CNIH3: variants seen among roughly 807,000 people sequenced by gnomAD.
The protein encoded by CNIH3 is protein cornichon homolog 3.
Under a neutral mutation model 24.1 loss-of-function variants are expected in CNIH3, and 14 were observed. That is an observed-to-expected ratio of 0.58 (90% CI 0.38 to 0.91). The LOEUF is 0.91. CNIH3 is among the 40% of genes least tolerant of loss of function. CNIH3 has a pLI of 0.00. For missense variants in CNIH3, 178 were observed against 196.8 expected (o/e 0.90, Z 0.57); for synonymous variants, 68 against 73.8 (o/e 0.92, Z 0.40).
chr1:224,567,887 G>T (rs1218853305), intron 4 of CNIH3, among the ~76,000 whole-genome samples: 1 of 152,204 alleles, frequency 6.6e-6, no homozygotes, highest in African/African-American at 2.4e-5. Context: ...AGCCTTGTTA[G>T]TCTTTGACTC....
intron 3 of CNIH3, among the ~76,000 whole-genome samples, chr1:224,711,794 C>CAAAAAAAA (rs11437581): frequency 3.0e-5 from 2 of 65,668 alleles, no homozygotes; most frequent in Non-Finnish European, 2.8e-5. Context: ...GACCCTGTCT[C>CAAAAAAAA]AAAAAAAAAA....
chr1:224,694,303 C>G (rs1687064393), intron 3 of CNIH3, among the ~76,000 whole-genome samples: 1 of 152,206 alleles, frequency 6.6e-6, no homozygotes, highest in Non-Finnish European at 1.5e-5. Flanking sequence ...CCGTCACAAC[C>G]AGTTTCAAAA....
At chr1:224,552,014 C>T (rs377367522) in intron 3 of CNIH3, among the ~76,000 whole-genome samples, 14 of 151,456 alleles carry the variant, frequency 9.2e-5, no homozygotes, top group East Asian at 5.9e-4. Context: ...CCTCTGTGTA[C>T]GCCCCGTGTG....
intron 1 of CNIH3, chr1:224,515,995 T>C (rs987733831): frequency 3.3e-5 from 5 of 152,086 alleles, no homozygotes; most frequent in African/African-American, 9.7e-5. Flanking sequence ...CTGGATTGTG[T>C]TTTATGACCC....
At chr1:224,560,941 A>G (rs576726813) in intron 3 of CNIH3, among the ~76,000 whole-genome samples, 40 of 143,324 alleles carry the variant, frequency 2.8e-4, no homozygotes, top group Non-Finnish European at 4.9e-4. Context: ...TGTCTGTTGA[A>G]TGTATCTCGT....
At chr1:224,539,759 C>T (rs1042571356), downstream of CNIH3, among the ~76,000 whole-genome samples, 1 of 152,150 alleles carries the variant, frequency 6.6e-6, no homozygotes, top group African/African-American at 2.4e-5. Flanking sequence ...TTCCCTGTGC[C>T]ACCTAGTTAG....
intron 2 of CNIH3, chr1:224,521,656 C>T (rs1436372194): frequency 2.6e-5 from 4 of 152,156 alleles, no homozygotes; most frequent in Non-Finnish European, 1.5e-5. Flanking sequence ...GCTATTTTAC[C>T]TGCCTACCTA....
intron 1 of CNIH3, among the ~76,000 whole-genome samples, chr1:224,463,774 T>C (rs1303966231): frequency 9.7e-5 from 1 of 10,258 alleles, no homozygotes; most frequent in Admixed American, 1.8e-3. Context: ...ATTGTCCTCA[T>C]TTTTTTTTTT....
rs190920486 is a variant in CNIH3, at chr1:224,554,458, A to C, written n.450+7519A>C. ...CAGATTCAACCCACTGAGGATTGAA[A>C]AGATTTTTTAAAAAAATGGGTGGTT... On this transcript the variant is annotated intron_variant and non_coding_transcript_variant, in intron 3 of 5. Coordinates refer to the CNIH3 transcript ENST00000471578. Among the ~76,000 whole-genome samples the C allele has an allele frequency of 3.2e-3, 489 of 152,278 alleles. 4 individuals carry two copies. The highest frequency in any genetic ancestry group is 0.011 in the African/African-American group (463 of 41,548).
At chr1:224,502,327 T>G (rs909116180) in intron 1 of CNIH3, among the ~76,000 whole-genome samples, 1 of 152,062 alleles carries the variant, frequency 6.6e-6, no homozygotes, top group Non-Finnish European at 1.5e-5. Flanking sequence ...CAGAAGTATC[T>G]CGTGATAGAG....
chr1:224,541,302 TTAAG>T (rs1337580551), downstream of CNIH3, among the ~76,000 whole-genome samples: 3 of 152,204 alleles, frequency 2.0e-5, no homozygotes, highest in Non-Finnish European at 4.4e-5. Flanking sequence ...CTTTATGACA[TTAAG>T]TGTCACTTCC....
chr1:224,595,287 C>T (rs1909442), intron 3 of CNIH3, among the ~76,000 whole-genome samples: 15,916 of 152,180 alleles, frequency 0.1, 938 homozygotes, highest in South Asian at 0.24. Context: ...CTCAAGTGAT[C>T]CTCCCACCTC....
intron 4 of CNIH3, among the ~76,000 whole-genome samples, chr1:224,579,067 C>CTTTTTTTTTTTT (rs60330387): frequency 2.9e-5 from 4 of 138,936 alleles, no homozygotes; most frequent in East Asian, 2.1e-4. Flanking sequence ...TTTCTTTTTT[C>CTTTTTTTTTTTT]TTTTTTTTTT....
At chr1:224,620,748 C>T (rs912013319) in intron 1 of CNIH3, among the ~76,000 whole-genome samples, 13 of 151,896 alleles carry the variant, frequency 8.6e-5, no homozygotes, top group African/African-American at 3.1e-4. Context: ...GCTCGTAATC[C>T]CAGCACTTTG....
chr1:224,681,453 C>A (rs945838041), intron 2 of CNIH3, among the ~76,000 whole-genome samples: 3 of 152,182 alleles, frequency 2.0e-5, no homozygotes, highest in African/African-American at 7.2e-5. Context: ...GCACAAAGTC[C>A]CTGGCGCCAT....
chr1:224,511,202 G>A (rs1043881891), upstream of CNIH3, among the ~76,000 whole-genome samples: 2 of 152,302 alleles, frequency 1.3e-5, no homozygotes, highest in Admixed American at 6.5e-5. Context: ...TTAGGCCAGA[G>A]GGCTGCTTGT....
intron 3 of CNIH3, among the ~76,000 whole-genome samples, chr1:224,605,801 G>A (rs1327965110): frequency 6.6e-6 from 1 of 151,850 alleles, no homozygotes; most frequent in African/African-American, 2.4e-5. Context: ...TTTCCTTACC[G>A]TAGCCCCCTG....
At chr1:224,708,333 C>G (rs1283311402) in intron 3 of CNIH3, among the ~76,000 whole-genome samples, 1 of 152,070 alleles carries the variant, frequency 6.6e-6, no homozygotes, top group Non-Finnish European at 1.5e-5. Context: ...CTTTTGAGTA[C>G]CTTCTCTCTC....
At chr1:224,452,517 C>T (rs540182059) in intron 1 of CNIH3, among the ~76,000 whole-genome samples, 3 of 151,874 alleles carry the variant, frequency 2.0e-5, no homozygotes, top group Non-Finnish European at 2.9e-5. Flanking sequence ...CACGGTGGCT[C>T]ACACCTGTAA....
Sources: allele counts gnomAD v4.1 joint callset (sites outside exome capture counted in the v4.1 genomes callset), GRCh38; gene constraint gnomAD v4.1.1; transcripts MANE v1.5; gene names NCBI Gene and HGNC (gene_info 2026-07-23, HGNC 2026-07-21).